Variants in MRO observed in about 807,000 individuals in gnomAD.
The protein encoded by MRO is protein maestro.
In MRO, 28 loss-of-function variants were observed where a neutral mutation model predicts 31.0. That is an observed-to-expected ratio of 0.90 (90% CI 0.67 to 1.24). The LOEUF is 1.24. Among genes scored for constraint, MRO ranks in the 50% most tolerant of loss-of-function variants. MRO has a pLI of 0.00. For synonymous variants in MRO, 108 were observed against 108.4 expected, an observed-to-expected ratio of 1.00 and a Z score of 0.02; for missense variants, 332 against 289.2, an observed-to-expected ratio of 1.15 and a Z score of -1.07.
At chr18:50,801,864 C>T (rs1913365300) in intron 5 of MRO, among the ~76,000 whole-genome samples, 1 of 152,090 alleles carries the variant, frequency 6.6e-6, no homozygotes. Flanking sequence ...TTCAAAATAA[C>T]CAAAAAGCTT....
At chr18:50,821,844 A>G (rs1237046297), upstream of MRO, among the ~76,000 whole-genome samples, 1 of 152,212 alleles carries the variant, frequency 6.6e-6, no homozygotes, top group Non-Finnish European at 1.5e-5. Flanking sequence ...AGCCTTTCTG[A>G]TACTTGCACT....
intron 2 of MRO, among the ~76,000 whole-genome samples, chr18:50,813,795 C>T (rs887237506): frequency 2.0e-5 from 3 of 152,124 alleles, no homozygotes; most frequent in Non-Finnish European, 4.4e-5. Context: ...ATGTTGAGTA[C>T]TTGTGGACAC....
chr18:50,806,415 G>A (rs1253824393), intron 4 of MRO, among the ~76,000 whole-genome samples: 2 of 152,172 alleles, frequency 1.3e-5, no homozygotes, highest in East Asian at 3.9e-4. Flanking sequence ...TGCCAACAAC[G>A]ATGTAAGCGA....
chr18:50,796,666 G>A lies in MRO; in HGVS notation c.*2671C>T, dbSNP rs890721679. 1 of 152,096 alleles carries A rather than the reference G, an allele frequency of 6.6e-6. No individual in the cohort carries two copies. Among genetic ancestry groups the A allele is most frequent in the Non-Finnish European group, 1.5e-5 (1 of 68,084 alleles). The allele number at this position is 152,096 out of a possible 1,614,324, so 9.4% of individuals were successfully genotyped here. ...ATAGCAGACTGAGCAAAGGTGAGGG[G>A]GTATAGGAGAACAAGACATGTTGAG... On this transcript the variant is annotated 3_prime_UTR_variant, in exon 8 of 8. Coordinates refer to ENST00000398439, the MANE Select transcript of MRO (RefSeq NM_031939.6).
chr18:50,817,029 A>G (rs530508914), intron 2 of MRO, among the ~76,000 whole-genome samples: 102 of 152,324 alleles, frequency 6.7e-4, no homozygotes, highest in African/African-American at 2.4e-3. Flanking sequence ...TCAGAAACCA[A>G]GCAGCCAGCA....
Position 50,805,236 on chromosome 18 carries a change from A to G in MRO, c.347T>C (p.Val116Ala), listed in dbSNP as rs750957327. ...VIHESMKTLT[V>A]VLGKIQGKGL... ...TTTCCCCTGGATCTTGCCCAGAACGACGGTCAGAGTCTTCATACTCTCATG... is the reference window on the plus strand; with the variant it reads ...TTTCCCCTGGATCTTGCCCAGAACGGCGGTCAGAGTCTTCATACTCTCATG... The change falls in exon 5 of 8, where the codon GTC (valine) becomes GCC (alanine). Residue 116 changes from valine (V) to alanine (A), a missense_variant. Transcript: ENST00000398439. 1.2e-6 allele frequency: 2 copies of G among 1,614,056 alleles called. No individual in the cohort carries two copies. Among genetic ancestry groups the G allele is most frequent in the South Asian group, 1.1e-5 (1 of 91,078 alleles).
chr18:50,811,057 G>C (rs952587979), intron 2 of MRO, among the ~76,000 whole-genome samples: 1 of 152,090 alleles, frequency 6.6e-6, no homozygotes, highest in Admixed American at 6.5e-5. Flanking sequence ...GGGAGTCAAC[G>C]GGATCCCATG....
At chr18:50,809,209 G>T in intron 3 of MRO, 93 bp downstream of exon 3, 1 of 707,202 alleles carries the variant, frequency 1.4e-6, no homozygotes, top group Non-Finnish European at 2.3e-6. Flanking sequence ...AACTTCAGTG[G>T]AGCAGGCCTA....
chr18:50,802,574 G>A (rs1283344631), intron 5 of MRO, among the ~76,000 whole-genome samples: 2 of 152,146 alleles, frequency 1.3e-5, no homozygotes, highest in Non-Finnish European at 2.9e-5. Flanking sequence ...GCTGGGGTGG[G>A]CCTTCACAGC....
chr18:50,801,215 G>A lies in MRO; in HGVS notation c.585+134C>T, dbSNP rs552975783. On this transcript the variant is annotated intron_variant, in intron 6 of 7. Coordinates refer to ENST00000398439, the MANE Select transcript of MRO (RefSeq NM_031939.6). The stretch of plus-strand genomic sequence containing the variant: ...CACACCAAAGAGGCACCTTGTCAAG[G>A]ATGCACACAGAAACGCTGCTAAGTA... The A allele has an allele frequency of 1.8e-5, 13 of 724,424 alleles. No homozygotes were observed. The African/African-American group carries it at 2.3e-4, about 13-fold the overall frequency. The allele number at this position is 724,424 out of a possible 1,614,324, so 44.9% of individuals were successfully genotyped here.
rs1912703415 is a variant in MRO at position 50,795,323 on chromosome 18, A to G, written c.*4014T>C. ...GACTTTTTTTTCATTTTAAAAGGGC[A>G]TTTTGCATGTGTTTTATAACTATGA... On this transcript the variant is annotated 3_prime_UTR_variant, in exon 8 of 8. Coordinates refer to ENST00000398439, the MANE Select transcript of MRO (RefSeq NM_031939.6). The G allele has an allele frequency of 1.3e-5, 2 of 152,188 alleles. No individual in the cohort carries two copies. The allele number at this position is 152,188 out of a possible 1,614,324, so 9.4% of individuals were successfully genotyped here. A position where few individuals can be genotyped will look rare whatever the true frequency, so the allele number is the denominator to read the frequency against.
chr18:50,817,041 C>T (rs1165497096), intron 2 of MRO, among the ~76,000 whole-genome samples: 3 of 152,186 alleles, frequency 2.0e-5, no homozygotes, highest in African/African-American at 7.2e-5. Context: ...CAGCCAGCAT[C>T]GCCTTCATAG....
chr18:50,817,156 T>A (rs1914995962), intron 2 of MRO, among the ~76,000 whole-genome samples: 1 of 152,030 alleles, frequency 6.6e-6, no homozygotes, highest in Non-Finnish European at 1.5e-5. Context: ...ACTCACAGAG[T>A]TACATCTTGA....
intron 4 of MRO, 63 bp from the exon 5 acceptor site, chr18:50,805,399 AC>A: frequency 7.3e-7 from 1 of 1,364,762 alleles, no homozygotes. Context: ...TTGAAAAGCA[AC>A]CCCACATCTA....
At chr18:50,824,060 T>G (rs1037461191), upstream of MRO, 1 of 152,240 alleles carries the variant, frequency 6.6e-6, no homozygotes, top group Admixed American at 6.5e-5. Flanking sequence ...AGAAGAGATA[T>G]TTACACACAA....
At chr18:50,809,468 T>C in intron 2 of MRO, 64 bp from the exon 3 acceptor site, 7 of 1,114,972 alleles carry the variant, frequency 6.3e-6, no homozygotes, top group Non-Finnish European at 8.1e-6. Flanking sequence ...AACATTGTTG[T>C]ACAATGCATT....
In MRO at chr18:50,803,301, G is replaced by A. The variant is rs371606392; in HGVS notation, c.430-1797C>T. Among the ~76,000 whole-genome samples, 18 of 152,136 alleles carry A rather than the reference G, an allele frequency of 1.2e-4. No individual in the cohort carries two copies. The East Asian group carries it at 2.9e-3, about 25-fold the overall frequency. On this transcript the variant is annotated intron_variant, in intron 5 of 7. Coordinates refer to ENST00000398439, the MANE Select transcript of MRO (RefSeq NM_031939.6). Reference sequence around the variant, plus strand: ...GAGACAGGAGAATCGCTTGAGCCCGGTCAGAGACCAGCCTGGGCAACATAA... The same window carrying A: ...GAGACAGGAGAATCGCTTGAGCCCGATCAGAGACCAGCCTGGGCAACATAA...
At chr18:50,807,818 C>T (rs1914091312) in intron 3 of MRO, among the ~76,000 whole-genome samples, 1 of 152,246 alleles carries the variant, frequency 6.6e-6, no homozygotes, top group Non-Finnish European at 1.5e-5. Flanking sequence ...TCTATCATGC[C>T]TGTAATCCCA....
At chr18:50,823,388 A>G (rs1165581182), upstream of MRO, among the ~76,000 whole-genome samples, 1 of 152,236 alleles carries the variant, frequency 6.6e-6, no homozygotes, top group African/African-American at 2.4e-5. Context: ...CCCGTGGCCT[A>G]GGTCTCCTCA....
Sources: gnomAD v4.1 joint callset for allele counts (sites outside exome capture counted in the v4.1 genomes callset) on GRCh38, gnomAD v4.1.1 for gene constraint, MANE v1.5 for transcripts, NCBI Gene and HGNC (gene_info 2026-07-23, HGNC 2026-07-21) for gene names.